VSTM4: variants seen among roughly 807,000 people sequenced by gnomAD.
The protein encoded by VSTM4 is V-set and transmembrane domain-containing protein 4.
VSTM4 carries 20 observed loss-of-function variants against 36.4 expected under a neutral mutation model. The ratio of observed to expected loss-of-function variants is 0.55; its 90% confidence interval spans 0.39 to 0.80. The LOEUF is 0.80. Ranked by LOEUF, VSTM4 falls within the 30% of genes least tolerant of loss-of-function variation. VSTM4 has a pLI of 0.00. For synonymous variants in VSTM4, 182 were observed against 173.9 expected (o/e 1.05, Z -0.37); for missense variants, 392 against 404.5 (o/e 0.97, Z 0.26).
intron 4 of VSTM4, among the ~76,000 whole-genome samples, chr10:49,070,786 G>A (rs373915684): frequency 1.3e-5 from 2 of 152,218 alleles, no homozygotes; most frequent in African/African-American, 4.8e-5. Context: ...CCTGACCAGA[G>A]AGCCAGCTGA....
intron 1 of VSTM4, among the ~76,000 whole-genome samples, chr10:49,113,680 C>A (rs1173655956): frequency 1.3e-5 from 2 of 152,142 alleles, no homozygotes; most frequent in Admixed American, 6.5e-5. Flanking sequence ...GACATGGGAC[C>A]AGGTGACCAC....
At chr10:49,056,714 A>T (rs1843785590) in intron 5 of VSTM4, among the ~76,000 whole-genome samples, 2 of 152,138 alleles carry the variant, frequency 1.3e-5, no homozygotes, top group Admixed American at 1.3e-4. Context: ...CTGCCCTGAG[A>T]CCTGCCCACT....
intron 6 of VSTM4, among the ~76,000 whole-genome samples, chr10:49,047,732 A>C (rs1420838189): frequency 6.6e-6 from 1 of 151,958 alleles, no homozygotes; most frequent in Non-Finnish European, 1.5e-5. Flanking sequence ...TTTCCACTCC[A>C]TGTGTGCTCA....
chr10:49,019,843 TTCA>T (rs1446900643), intron 7 of VSTM4, 68 bp from the exon 8 acceptor site: 20 of 1,544,600 alleles, frequency 1.3e-5, no homozygotes, highest in Non-Finnish European at 1.7e-5. Flanking sequence ...CACACATTCA[TTCA>T]TCAAGTATGC....
intron 7 of VSTM4, among the ~76,000 whole-genome samples, chr10:49,020,220 T>A (rs1365491613): frequency 6.6e-6 from 1 of 152,210 alleles, no homozygotes; most frequent in East Asian, 1.9e-4. Context: ...AACTATAATT[T>A]CAAAATATCT....
At chr10:49,044,112 G>A (rs775123275) in intron 7 of VSTM4, among the ~76,000 whole-genome samples, 1 of 152,164 alleles carries the variant, frequency 6.6e-6, no homozygotes, top group Non-Finnish European at 1.5e-5. Flanking sequence ...AGGAACACTT[G>A]AGGCCATGAG....
intron 2 of VSTM4, among the ~76,000 whole-genome samples, chr10:49,105,844 T>C (rs1228453581): frequency 2.6e-5 from 3 of 116,242 alleles, no homozygotes; most frequent in Non-Finnish European, 4.3e-5. Flanking sequence ...TGTGTGTGTA[T>C]ATATATATAT....
At chr10:49,102,025 T>G (rs1844675586) in intron 2 of VSTM4, 1 of 152,192 alleles carries the variant, frequency 6.6e-6, no homozygotes, top group African/African-American at 2.4e-5. Context: ...GAAAGAGATT[T>G]GAAAGATCTA....
At chr10:49,086,178 G>C (rs1198698155) in intron 2 of VSTM4, among the ~76,000 whole-genome samples, 155 bp from the exon 3 acceptor site, 1 of 152,292 alleles carries the variant, frequency 6.6e-6, no homozygotes, top group East Asian at 1.9e-4. Flanking sequence ...TTACCTAACA[G>C]TTGGGAAACA....
At chr10:49,032,260 T>C (rs1843357978) in intron 7 of VSTM4, among the ~76,000 whole-genome samples, 3 of 152,228 alleles carry the variant, frequency 2.0e-5, no homozygotes, top group Admixed American at 6.5e-5. Flanking sequence ...GGTGGAGAAG[T>C]GGCGAGCATG....
chr10:49,115,275 G>A (rs1844974057), intron 1 of VSTM4, among the ~76,000 whole-genome samples, 156 bp downstream of exon 1: 2 of 151,728 alleles, frequency 1.3e-5, no homozygotes, highest in African/African-American at 2.4e-5. Flanking sequence ...GACCCTCGGC[G>A]AGCCCACCGG....
chr10:49,080,989 A>G (rs1282125604), intron 3 of VSTM4, among the ~76,000 whole-genome samples: 1 of 152,194 alleles, frequency 6.6e-6, no homozygotes, highest in African/African-American at 2.4e-5. Flanking sequence ...GAATTAGGAG[A>G]GAGGCTGCAG....
intron 5 of VSTM4, among the ~76,000 whole-genome samples, chr10:49,056,354 C>T (rs1293691075): frequency 3.3e-5 from 5 of 152,226 alleles, no homozygotes; most frequent in South Asian, 2.1e-4. Context: ...TCCACAGGGT[C>T]GCAGGCTTGG....
At chr10:49,043,593 T>G (rs965401843) in intron 7 of VSTM4, among the ~76,000 whole-genome samples, 1 of 152,048 alleles carries the variant, frequency 6.6e-6, no homozygotes, top group Admixed American at 6.5e-5. Flanking sequence ...GTAAAGGTAA[T>G]GAAGGGAAAG....
intron 7 of VSTM4, among the ~76,000 whole-genome samples, chr10:49,024,210 T>G (rs761511780): frequency 2.0e-5 from 3 of 152,236 alleles, no homozygotes; most frequent in Non-Finnish European, 4.4e-5. Context: ...ATTTGTTGTA[T>G]TCAGCTGCTT....
intron 7 of VSTM4, among the ~76,000 whole-genome samples, chr10:49,045,961 C>T (rs1274343750): frequency 2.6e-5 from 4 of 152,082 alleles, no homozygotes; most frequent in Non-Finnish European, 4.4e-5. Flanking sequence ...GTTTCCTCCC[C>T]GCTGTTCTCA....
At chr10:49,093,001 A>C (rs116418601) in intron 2 of VSTM4, among the ~76,000 whole-genome samples, 2 of 152,034 alleles carry the variant, frequency 1.3e-5, no homozygotes, top group South Asian at 4.2e-4. Context: ...TCTCCCTTCT[A>C]CCTCCCCCAT....
intron 3 of VSTM4, among the ~76,000 whole-genome samples, chr10:49,084,415 G>A (rs1450533096): frequency 3.3e-5 from 5 of 152,176 alleles, no homozygotes; most frequent in Admixed American, 6.5e-5. Flanking sequence ...AGGCCTATGT[G>A]GGTGACACCT....
In VSTM4 at chr10:49,089,352, C is replaced by T. The variant is rs139057899; in HGVS notation, c.458-3329G>A. Among the ~76,000 whole-genome samples the T allele has an allele frequency of 2.1e-3, 313 of 152,310 alleles. 1 individual carries two copies. Among genetic ancestry groups the T allele is most frequent in the African/African-American group, 7.0e-3 (289 of 41,556 alleles). On this transcript the variant is annotated intron_variant, in intron 2 of 7. Coordinates refer to ENST00000332853, the MANE Select transcript of VSTM4 (RefSeq NM_001031746.5). ...CTCAGAATGGCCCTTTGTTGTCAGT[C>T]CTTTGCCTCAGGGGGTGACTCTTCA...
Sources: gnomAD v4.1 joint callset for allele counts (sites outside exome capture counted in the v4.1 genomes callset) on GRCh38, gnomAD v4.1.1 for gene constraint, MANE v1.5 for transcripts, NCBI Gene and HGNC (gene_info 2026-07-23, HGNC 2026-07-21) for gene names.